The following PACRG variants were observed in gnomAD, a reference collection of about 807,000 sequenced individuals.
PACRG encodes parkin coregulated, also known as parkin coregulated gene protein.
A neutral mutation model predicts 29.7 loss-of-function variants in PACRG; 29 were observed. The ratio of observed to expected loss-of-function variants is 0.98; its 90% CI spans 0.73 to 1.33. PACRG has a LOEUF of 1.33. PACRG is among the 40% of genes most tolerant of loss of function. PACRG has a pLI of 0.00. For missense variants in PACRG, 279 were observed against 316.2 expected, an observed-to-expected ratio of 0.88 and a Z score of 0.89; for synonymous variants, 116 against 118.7, an observed-to-expected ratio of 0.98 and a Z score of 0.15.
At chr6:163,009,656 C>CT (rs1805436904) in intron 2 of PACRG, among the ~76,000 whole-genome samples, 1 of 152,292 alleles carries the variant, frequency 6.6e-6, no homozygotes, top group African/African-American at 2.4e-5. Context: ...CTAGCCACTA[C>CT]TGCATCCTTA....
intron 1 of PACRG, among the ~76,000 whole-genome samples, chr6:162,775,612 T>C (rs1375868385): frequency 1.3e-5 from 2 of 152,232 alleles, no homozygotes; most frequent in Non-Finnish European, 2.9e-5. Context: ...AACATTTATT[T>C]ACATATCTAT....
intron 2 of PACRG, among the ~76,000 whole-genome samples, chr6:162,965,602 A>G (rs1054478642): frequency 6.6e-6 from 1 of 152,182 alleles, no homozygotes; most frequent in Non-Finnish European, 1.5e-5. Flanking sequence ...TCCTAACACC[A>G]TCACATAGGG....
intron 1 of PACRG, among the ~76,000 whole-genome samples, chr6:162,762,937 C>T (rs1782492477): frequency 6.6e-6 from 1 of 152,100 alleles, no homozygotes; most frequent in Non-Finnish European, 1.5e-5. Context: ...ACTGAATGGG[C>T]CAGGTTTTCA....
intron 2 of PACRG, among the ~76,000 whole-genome samples, chr6:163,054,972 G>A (rs1049254042): frequency 5.3e-5 from 8 of 152,130 alleles, no homozygotes; most frequent in Middle Eastern, 3.2e-3. Flanking sequence ...GCCAGTGTTG[G>A]GGGTACAACT....
At chr6:163,079,560 G>A (rs1424192233) in intron 3 of PACRG, among the ~76,000 whole-genome samples, 2 of 152,114 alleles carry the variant, frequency 1.3e-5, no homozygotes, top group African/African-American at 2.4e-5. Context: ...AATACATGAG[G>A]TTAGCTTGGC....
intron 2 of PACRG, among the ~76,000 whole-genome samples, chr6:162,989,447 C>T (rs565649409): frequency 6.6e-6 from 1 of 152,256 alleles, no homozygotes; most frequent in Admixed American, 6.5e-5. Context: ...TGCTCAAGTA[C>T]CTGACATGAA....
chr6:163,246,052 G>A (rs1312697017), intron 4 of PACRG, among the ~76,000 whole-genome samples: 1 of 152,088 alleles, frequency 6.6e-6, no homozygotes, highest in Non-Finnish European at 1.5e-5. Context: ...CTGCTTCCGG[G>A]ACAGCCCATC....
chr6:163,259,353 C>A (rs1783233092), intron 4 of PACRG, among the ~76,000 whole-genome samples: 1 of 152,190 alleles, frequency 6.6e-6, no homozygotes, highest in Non-Finnish European at 1.5e-5. Context: ...CACTTCCTAA[C>A]AATTATCCCC....
intron 4 of PACRG, among the ~76,000 whole-genome samples, chr6:163,094,061 C>T (rs1443964142): frequency 6.6e-6 from 1 of 152,192 alleles, no homozygotes; most frequent in Non-Finnish European, 1.5e-5. Flanking sequence ...TCCTTGATAA[C>T]CCTCCTTGAT....
At chr6:162,852,008 G>GAAGGA (rs1554291955) in intron 2 of PACRG, among the ~76,000 whole-genome samples, 18 of 117,968 alleles carry the variant, frequency 1.5e-4, no homozygotes, top group Middle Eastern at 4.3e-3. Context: ...AGGGAGGGAG[G>GAAGGA]AAGGAAGGAA....
At chr6:163,022,712 C>T (rs980496013) in intron 2 of PACRG, among the ~76,000 whole-genome samples, 12 of 152,332 alleles carry the variant, frequency 7.9e-5, no homozygotes, top group African/African-American at 2.6e-4. Context: ...CCATTTTCCT[C>T]ACAGTATTCA....
intron 2 of PACRG, among the ~76,000 whole-genome samples, chr6:162,959,827 A>G (rs759511186): frequency 1.3e-5 from 2 of 152,178 alleles, no homozygotes; most frequent in Non-Finnish European, 2.9e-5. Flanking sequence ...AGTATGACAG[A>G]AAAAAGAATT....
chr6:163,306,274 T>C (rs145814018), intron 4 of PACRG, among the ~76,000 whole-genome samples: 1 of 152,350 alleles, frequency 6.6e-6, no homozygotes, highest in East Asian at 1.9e-4. Flanking sequence ...CTCTGCTCTT[T>C]TTTTGAAGCA....
chr6:163,097,128 T>C (rs780450239), intron 4 of PACRG, among the ~76,000 whole-genome samples: 15 of 152,212 alleles, frequency 9.9e-5, no homozygotes, highest in Non-Finnish European at 2.9e-5. Context: ...CCTGCCCCAG[T>C]GAACTAGTGA....
intron 4 of PACRG, among the ~76,000 whole-genome samples, chr6:163,131,298 C>T (rs1023467898): frequency 9.0e-5 from 13 of 144,138 alleles, no homozygotes; most frequent in African/African-American, 2.4e-4. Context: ...GGCGACAGAG[C>T]GAGACTCTGT....
intron 1 of PACRG, among the ~76,000 whole-genome samples, chr6:162,761,201 C>T (rs1389334783): frequency 1.3e-5 from 2 of 152,150 alleles, no homozygotes; most frequent in Non-Finnish European, 2.9e-5. Flanking sequence ...CCAAGCAAAG[C>T]CATTTAGCTC....
intron 4 of PACRG, among the ~76,000 whole-genome samples, chr6:163,253,604 C>T (rs1033965368): frequency 6.6e-6 from 1 of 152,136 alleles, no homozygotes; most frequent in African/African-American, 2.4e-5. Context: ...TATAAGCTTA[C>T]TCAGCCAGGT....
intron 4 of PACRG, among the ~76,000 whole-genome samples, chr6:163,280,386 A>G (rs143984035): frequency 6.6e-6 from 1 of 152,156 alleles, no homozygotes; most frequent in Non-Finnish European, 1.5e-5. Context: ...ATTTCACTGC[A>G]TCTTGAGCTG....
At chr6:162,896,691 T>G (rs1056846016) in intron 2 of PACRG, among the ~76,000 whole-genome samples, 1 of 152,250 alleles carries the variant, frequency 6.6e-6, no homozygotes, top group Admixed American at 6.5e-5. Context: ...TCAGAATTTT[T>G]TCCTTTGTAT....
Sources: gnomAD v4.1 joint callset for allele counts (sites outside exome capture counted in the v4.1 genomes callset) on GRCh38, gnomAD v4.1.1 for gene constraint, MANE v1.5 for transcripts, NCBI Gene and HGNC (gene_info 2026-07-23, HGNC 2026-07-21) for gene names.